CIT: variants seen among roughly 807,000 people sequenced by gnomAD.
CIT encodes citron Rho-interacting kinase.
Under a neutral mutation model 272.7 loss-of-function variants are expected in CIT, and 79 were observed. The ratio of observed to expected loss-of-function variants is 0.29; its 90% CI spans 0.24 to 0.35. CIT has a LOEUF of 0.35. Ranked by LOEUF, CIT falls within the 10% of genes least tolerant of loss-of-function variation. The probability of loss-of-function intolerance (pLI) is 1.00; values close to 1 mark genes in which losing one functional copy is unlikely to be tolerated. For missense variants in CIT, 1,909 were observed against 2,618.3 expected, an observed-to-expected ratio of 0.73 and a Z score of 5.91; for synonymous variants, 948 against 995.6, an observed-to-expected ratio of 0.95 and a Z score of 0.90.
chr12:119,705,774 A>G (rs1956843129), intron 40 of CIT, among the ~76,000 whole-genome samples: 1 of 40,566 alleles, frequency 2.5e-5, no homozygotes, highest in African/African-American at 1.2e-4. Context: ...TCTGTCTCAA[A>G]AAAAAAAAAA....
rs1958253385 is a variant in CIT at position 119,728,505 on chromosome 12, T to C, written c.3588A>G (p.Glu1196=). The C allele has an allele frequency of 6.2e-7, 1 of 1,604,900 alleles. No individual in the cohort carries two copies. The highest frequency in any genetic ancestry group is 1.3e-5 in the African/African-American group (1 of 74,490). The change falls in exon 28 of 48, where the codon GAA becomes GAG. Residue 1196 remains glutamate, a synonymous_variant. Coordinates refer to ENST00000392521, the MANE Select transcript of CIT (RefSeq NM_001206999.2). This position sits in a 1 kb window ranked among gnomAD's most constrained non-coding sequence, Gnocchi z 4.3. ...CTCCCAGGTATTTCACACTCACCTC[T>C]TCCAGAAGCCTCTGTTTGAGCTCTC... ...TERELKQRLL[E]EQAKLQQQMD...
intron 5 of CIT, among the ~76,000 whole-genome samples, chr12:119,841,177 CTTT>C (rs746369072): frequency 3.5e-5 from 5 of 142,522 alleles, no homozygotes; most frequent in Non-Finnish European, 1.5e-5. Context: ...TTTATTTAAC[CTTT>C]TTTTTTTTTT....
At chr12:119,834,037 C>T (rs199502528) in intron 6 of CIT, 49 bp downstream of exon 6, 398 of 1,544,530 alleles carry the variant, frequency 2.6e-4, no homozygotes, top group Admixed American at 5.4e-4. Context: ...AACTCTTATG[C>T]GACACAGGAA....
At chr12:119,787,901 T>A (rs1964951940) in intron 10 of CIT, among the ~76,000 whole-genome samples, 1 of 152,212 alleles carries the variant, frequency 6.6e-6, no homozygotes, top group African/African-American at 2.4e-5. Flanking sequence ...ATAATGCATG[T>A]AATGCTGTCA....
At chr12:119,771,286 G>C (rs1963113408) in intron 17 of CIT, among the ~76,000 whole-genome samples, 1 of 152,148 alleles carries the variant, frequency 6.6e-6, no homozygotes, top group African/African-American at 2.4e-5. Context: ...TGCTGCAGGA[G>C]GTTGCAGGCA....
At position 119,757,363 on chromosome 12, in the gene CIT, G is replaced by C; in HGVS notation, c.2706+8C>G. ...AAATCCTCCCAGGAGATGACTCCTC[G>C]CTCTCACCTCCCGCAATCTTGTCTC... On this transcript the variant is annotated splice_region_variant and intron_variant, in intron 22 of 47. Coordinates refer to ENST00000392521, the MANE Select transcript of CIT (RefSeq NM_001206999.2). 2 of 1,613,398 alleles carry C rather than the reference G, an allele frequency of 1.2e-6. No individual in the cohort carries two copies. Among genetic ancestry groups the C allele is most frequent in the Non-Finnish European group, 1.7e-6 (2 of 1,179,970 alleles).
intron 1 of CIT, among the ~76,000 whole-genome samples, chr12:119,876,455 C>T (rs1950848911): frequency 6.6e-6 from 1 of 152,206 alleles, no homozygotes; most frequent in Admixed American, 6.5e-5. Flanking sequence ...GAGATGTTTG[C>T]CCCCATGCAG....
At chr12:119,716,258 A>C (rs1291670029) in intron 32 of CIT, among the ~76,000 whole-genome samples, 1 of 151,660 alleles carries the variant, frequency 6.6e-6, no homozygotes, top group Non-Finnish European at 1.5e-5. Context: ...CATGCCTATA[A>C]TCCCAGCTAC....
intron 44 of CIT, among the ~76,000 whole-genome samples, chr12:119,700,080 A>C (rs1483786167): frequency 2.6e-5 from 4 of 152,238 alleles, no homozygotes; most frequent in African/African-American, 9.6e-5. Context: ...GCTTTGCCTA[A>C]TTAGAACTGG....
At chr12:119,871,457 AAAAC>A (rs201573332) in intron 2 of CIT, among the ~76,000 whole-genome samples, 15 of 152,202 alleles carry the variant, frequency 9.9e-5, no homozygotes, top group Admixed American at 1.3e-4. Context: ...GAATTTAAGA[AAAAC>A]AAACAAACAA....
At chr12:119,793,610 C>G (rs901324050) in intron 10 of CIT, among the ~76,000 whole-genome samples, 2 of 152,224 alleles carry the variant, frequency 1.3e-5, no homozygotes, top group African/African-American at 4.8e-5. Flanking sequence ...TACCCCCTAC[C>G]CAAACATGCC....
At chr12:119,834,602 A>G (rs1387631075) in intron 5 of CIT, among the ~76,000 whole-genome samples, 3 of 152,192 alleles carry the variant, frequency 2.0e-5, no homozygotes, top group Admixed American at 2.0e-4. Context: ...TCCTTTCTGT[A>G]TTCCCCTCAG....
rs1593593234 is a variant in CIT, at chr12:119,751,356, T to C, written c.2904+694A>G. Among the ~76,000 whole-genome samples the C allele has an allele frequency of 4.2e-5, 5 of 118,426 alleles. No individual in the cohort carries two copies. In the Admixed American group the frequency reaches 4.7e-4, roughly 11 times the overall value. 77.7% of individuals were successfully genotyped at this position (118,426 alleles called of 152,430 possible). On this transcript the variant is annotated intron_variant, in intron 23 of 47. Transcript: ENST00000392521. ...TCTGGGTCAGTCTCTGTGGGAATGATCAAATGTGGGGAAAATGGCCCCACA... is the reference window on the plus strand; with the variant it reads ...TCTGGGTCAGTCTCTGTGGGAATGACCAAATGTGGGGAAAATGGCCCCACA...
Position 119,804,066 on chromosome 12 carries a change from T to TAATG in CIT, c.1112-681_1112-678dup, listed in dbSNP as rs1966434584. ...CAAATCCACTGCAGTTTAATCAGCA[T>TAATG]AATGAAGCACCAGCCAAATAAAGTT... On this transcript the variant is annotated intron_variant, in intron 9 of 47. Transcript: ENST00000392521. The surrounding 1 kb of genome is among the most constrained non-coding windows in gnomAD (Gnocchi z 5.3). 1.9e-5 allele frequency: 12 copies of TAATG among 646,644 alleles called. No homozygotes were observed. The highest frequency in any genetic ancestry group is 2.1e-5 in the Non-Finnish European group (11 of 520,782). 40.1% of individuals were successfully genotyped at this position (646,644 alleles called of 1,614,324 possible).
In CIT at chr12:119,697,185, C is replaced by G. The variant is rs368760890; in HGVS notation, c.5882+474G>C. On this transcript the variant is annotated intron_variant, in intron 46 of 47. Coordinates refer to ENST00000392521, the MANE Select transcript of CIT (RefSeq NM_001206999.2). The surrounding 1 kb of genome is among the most constrained non-coding windows in gnomAD (Gnocchi z 4.9). Reference sequence around the variant, plus strand: ...CCTCGTATCTGATGGGAAATCCTCCCTCACCTCCACGTCCAGGCTTTCAAC... The same window carrying G: ...CCTCGTATCTGATGGGAAATCCTCCGTCACCTCCACGTCCAGGCTTTCAAC... Among the ~76,000 whole-genome samples, 23 of 152,200 alleles carry G rather than the reference C, an allele frequency of 1.5e-4. No homozygotes were observed. In the East Asian group the frequency reaches 2.3e-3, roughly 15 times the overall value.
At chr12:119,851,375 G>A (rs534467173) in intron 4 of CIT, among the ~76,000 whole-genome samples, 28 of 152,240 alleles carry the variant, frequency 1.8e-4, no homozygotes, top group African/African-American at 5.8e-4. Context: ...GTGACACACC[G>A]GTAGCAATGA....
At position 119,803,325 on chromosome 12, in the gene CIT, C is replaced by G. The variant is rs1966366056; in HGVS notation, c.1176G>C (p.Glu392Asp). The change falls in exon 10 of 48, where the codon GAG becomes GAC. Residue 392 changes from glutamate (E) to aspartate (D), a missense_variant. This residue lies in a region of CIT where 529 missense variants were observed against 549.6 expected (regional missense o/e 0.96). Coordinates refer to ENST00000392521, the MANE Select transcript of CIT (RefSeq NM_001206999.2). ...GAGAGGATGAAACCCACGAATTCTT[C>G]TCTGGTTCATCAAAATTGGAGGTGT... is the stretch of plus-strand genomic sequence containing the variant. ...DDDTSNFDEP[E>D]KNSWVSSSPC... is the part of the protein sequence containing the mutation. 1 of 1,606,928 alleles carries G rather than the reference C, an allele frequency of 6.2e-7. No individual in the cohort carries two copies. Among genetic ancestry groups the G allele is most frequent in the Non-Finnish European group, 8.5e-7 (1 of 1,176,622 alleles).
chr12:119,864,588 G>A (rs182510177), intron 3 of CIT, among the ~76,000 whole-genome samples: 90 of 152,246 alleles, frequency 5.9e-4, no homozygotes, highest in Non-Finnish European at 4.9e-4. Flanking sequence ...TGCCCACCTC[G>A]GCCTCCCAGT....
chr12:119,702,107 T>A (rs1433032180), intron 41 of CIT, 149 bp from the exon 42 acceptor site: 5 of 613,336 alleles, frequency 8.2e-6, no homozygotes, highest in Non-Finnish European at 1.4e-5. Context: ...GAGCCATTCA[T>A]CTTTTTTTTT....
Sources: gnomAD v4.1 joint callset for allele counts (sites outside exome capture counted in the v4.1 genomes callset) on GRCh38, gnomAD v4.1.1 for gene constraint, gnomAD v4.1.1 regional missense constraint, Gnocchi (gnomAD v3.1) non-coding constraint, MANE v1.5 for transcripts, NCBI Gene and HGNC (gene_info 2026-07-23, HGNC 2026-07-21) for gene names.